Variants in PRKAR1A observed in about 807,000 individuals in gnomAD.
PRKAR1A encodes cAMP-dependent protein kinase type I-alpha regulatory subunit.
PRKAR1A carries 3 observed loss-of-function variants against 52.0 expected under a neutral mutation model. That is an observed-to-expected ratio of 0.06 (90% confidence interval 0.03 to 0.15). The LOEUF is 0.15. Ranked by LOEUF, PRKAR1A falls within the 10% of genes least tolerant of loss-of-function variation. PRKAR1A has a pLI of 1.00. For synonymous variants in PRKAR1A, 188 were observed against 168.4 expected (o/e 1.12, Z -0.90); for missense variants, 240 against 477.4 (o/e 0.50, Z 4.63).
At chr17:68,453,189 C>G in the PRKAR1A span, among the ~76,000 whole-genome samples, 1 of 151,766 alleles carries the variant, frequency 6.6e-6, no homozygotes, top group African/African-American at 2.4e-5. Context: ...AAGAAAAAGT[C>G]AAAGGCAACT....
chr17:68,504,242 A>G, the PRKAR1A span, among the ~76,000 whole-genome samples: 3 of 152,162 alleles, frequency 2.0e-5, no homozygotes, highest in Admixed American at 6.5e-5. Context: ...AGGCAGGAAG[A>G]TCATTTGAGG....
the PRKAR1A span, chr17:68,425,992 G>A: frequency 2.9e-6 from 3 of 1,047,384 alleles, no homozygotes; most frequent in Non-Finnish European, 2.9e-6. Context: ...AACAGGGAAA[G>A]GGACTCTGCC....
the PRKAR1A span, among the ~76,000 whole-genome samples, chr17:68,476,829 AT>A: frequency 6.6e-6 from 1 of 151,810 alleles, no homozygotes; most frequent in Non-Finnish European, 1.5e-5. Flanking sequence ...TGCCCAGCTA[AT>A]TTTTGTATTT....
intron 11 of PRKAR1A, chr17:68,542,635 T>TGG: frequency 7.8e-7 from 1 of 1,285,568 alleles, no homozygotes; most frequent in Non-Finnish European, 1.1e-6. Context: ...AATGGAGGGG[T>TGG]GGACACTCTG....
chr17:68,434,179 T>G, the PRKAR1A span, among the ~76,000 whole-genome samples: 1 of 152,216 alleles, frequency 6.6e-6, no homozygotes, highest in African/African-American at 2.4e-5. Flanking sequence ...CTCTGTGCAC[T>G]GATCTGGCTG....
At chr17:68,437,005 A>AAAT in the PRKAR1A span, among the ~76,000 whole-genome samples, 1 of 107,192 alleles carries the variant, frequency 9.3e-6, no homozygotes, top group East Asian at 2.2e-4. Context: ...AAAAAAAAAA[A>AAAT]ATATATATAT....
rs1424094903 is a variant in PRKAR1A, at chr17:68,529,936, T to G, written c.908T>G (p.Leu303Arg). 6.2e-7 allele frequency: 1 copy of G among 1,614,000 alleles called. No individual in the cohort carries two copies. Among genetic ancestry groups the G allele is most frequent in the Non-Finnish European group, 8.5e-7 (1 of 1,179,968 alleles). ...TTATTATAGGGGTCAGCTGCTGTGC[T>G]ACAACGTCGGTCAGAAAATGAAGAG... is the stretch of plus-strand genomic sequence containing the variant. ...FIILEGSAAV[L>R]QRRSENEEFV... is the part of the protein sequence containing the mutation. Residue 303 changes from leucine (L) to arginine (R), a missense_variant, in exon 10 of 11, where the codon CTA becomes CGA. By Grantham distance (102) the Leu-to-Arg change is moderately radical. Around this residue, in one of 4 missense-constraint regions of PRKAR1A, gnomAD observed 107 missense variants for 290.9 expected, o/e 0.37. Coordinates refer to ENST00000589228, the MANE Select transcript of PRKAR1A (RefSeq NM_002734.5).
At chr17:68,452,593 G>C in the PRKAR1A span, among the ~76,000 whole-genome samples, 1 of 152,238 alleles carries the variant, frequency 6.6e-6, no homozygotes, top group Non-Finnish European at 1.5e-5. Context: ...AATGTCACAA[G>C]TGTCCTTTAG....
chr17:68,530,708 ACC>A lies in PRKAR1A; in HGVS notation c.*261_*262del. ...TTCTCTTTGTGCAGTGTTAGTATTCACCCTGGGCAGTGAGTGCCATGCTTTTT... is the reference window on the plus strand; with the variant it reads ...TTCTCTTTGTGCAGTGTTAGTATTCACTGGGCAGTGAGTGCCATGCTTTTT... On this transcript the variant is annotated 3_prime_UTR_variant, in exon 11 of 11. Transcript: ENST00000589228. 7.3e-7 allele frequency: 1 copy of A among 1,376,292 alleles called. No individual in the cohort carries two copies. The allele number at this position is 1,376,292 out of a possible 1,614,324, so 85.3% of individuals were successfully genotyped here.
chr17:68,500,236 C>A, the PRKAR1A span, among the ~76,000 whole-genome samples: 1 of 152,162 alleles, frequency 6.6e-6, no homozygotes, highest in African/African-American at 2.4e-5. Flanking sequence ...AATTGTAGCT[C>A]CCATAATTCC....
the PRKAR1A span, among the ~76,000 whole-genome samples, chr17:68,499,283 A>T: frequency 6.6e-6 from 1 of 151,680 alleles, no homozygotes; most frequent in Non-Finnish European, 1.5e-5. Flanking sequence ...CTCTGCTGGA[A>T]AGTGTTCCTT....
At chr17:68,512,703 CCGCAG>C (rs1568685200) in intron 1 of PRKAR1A, 155 bp downstream of exon 1, 1 of 152,252 alleles carries the variant, frequency 6.6e-6, no homozygotes, top group African/African-American at 2.4e-5. Flanking sequence ...GGGCGCCTCC[CCGCAG>C]GCCTCACGCC....
intron 11 of PRKAR1A, chr17:68,542,626 A>C: frequency 8.3e-7 from 1 of 1,204,098 alleles, no homozygotes; most frequent in Non-Finnish European, 1.2e-6. Flanking sequence ...CCACTGATGA[A>C]TGGAGGGGTG....
chr17:68,422,777 T>C, the PRKAR1A span: 1 of 150,466 alleles, frequency 6.6e-6, no homozygotes, highest in Admixed American at 6.6e-5. Context: ...TTTATACCCT[T>C]GGGCCTGATT....
the PRKAR1A span, among the ~76,000 whole-genome samples, chr17:68,462,560 A>C: frequency 1.3e-5 from 2 of 152,172 alleles, no homozygotes; most frequent in African/African-American, 4.8e-5. Flanking sequence ...AACCACATCT[A>C]TCTGGTCTAG....
At chr17:68,457,184 G>A in the PRKAR1A span, among the ~76,000 whole-genome samples, 1 of 152,150 alleles carries the variant, frequency 6.6e-6, no homozygotes, top group East Asian at 1.9e-4. Flanking sequence ...CACTGAAGGG[G>A]TACGGGGATA....
chr17:68,525,959 C>T (rs763770873), intron 7 of PRKAR1A, 47 bp downstream of exon 7: 16 of 1,594,000 alleles, frequency 1.0e-5, no homozygotes, highest in Admixed American at 5.0e-5. Context: ...TTCTCATCTA[C>T]GTAACTAATG....
chr17:68,542,880 GC>G lies in PRKAR1A; in HGVS notation c.974-8202del, dbSNP rs1207451083. 3.3e-6 allele frequency: 4 copies of G among 1,194,554 alleles called. 1 individual carries two copies. The African/African-American group carries it at 6.0e-5, about 18-fold the overall frequency. 74.0% of individuals were successfully genotyped at this position (1,194,554 alleles called of 1,614,324 possible). A position where few individuals can be genotyped will look rare whatever the true frequency, so the allele number is the denominator to read the frequency against. On this transcript the variant is annotated intron_variant, in intron 11 of 11. Coordinates refer to the PRKAR1A transcript ENST00000585981. ...TGAGGAGGAGGGGTTTTGTCCCCCG[GC>G]CAGTGCACATTAGGAATTGGCTGGT...
the PRKAR1A span, among the ~76,000 whole-genome samples, chr17:68,469,411 A>T: frequency 1.3e-5 from 2 of 151,942 alleles, no homozygotes; most frequent in Admixed American, 6.6e-5. Context: ...TATCTTGTTG[A>T]TTTCTTGGTT....
Sources: allele counts gnomAD v4.1 joint callset (sites outside exome capture counted in the v4.1 genomes callset), GRCh38; gene constraint gnomAD v4.1.1; regional missense constraint gnomAD v4.1.1; transcripts MANE v1.5; gene names NCBI Gene and HGNC (gene_info 2026-07-23, HGNC 2026-07-21).